FOXP1: variants seen among roughly 807,000 people sequenced by gnomAD.
The protein encoded by FOXP1 is forkhead box protein P1.
FOXP1 carries 15 observed loss-of-function variants against 98.2 expected under a neutral mutation model. The ratio of observed to expected loss-of-function variants is 0.15; its 90% CI spans 0.10 to 0.24. The LOEUF (loss-of-function observed/expected upper bound fraction) is 0.24, where lower values mean the gene tolerates loss of function less well. Among genes scored for constraint, FOXP1 ranks in the 10% least tolerant of loss-of-function variants. The pLI, the probability that FOXP1 is intolerant of heterozygous loss-of-function variation, is 1.00. For synonymous variants in FOXP1, 371 were observed against 314.5 expected (o/e 1.18, Z -1.90); for missense variants, 633 against 848.5 (o/e 0.75, Z 3.15).
At chr3:71,176,907 C>A (rs2061974778) in intron 6 of FOXP1, among the ~76,000 whole-genome samples, 1 of 151,756 alleles carries the variant, frequency 6.6e-6, no homozygotes, top group African/African-American at 2.4e-5. Flanking sequence ...ACTAAAAATA[C>A]AAAAAATTAG....
chr3:71,234,958 G>T (rs2066651296), intron 5 of FOXP1, among the ~76,000 whole-genome samples: 1 of 152,172 alleles, frequency 6.6e-6, no homozygotes. Context: ...TCTTTGCCAG[G>T]ACCCAGTCTT....
At chr3:71,484,494 TC>T (rs1321440698) in intron 3 of FOXP1, among the ~76,000 whole-genome samples, 1 of 152,166 alleles carries the variant, frequency 6.6e-6, no homozygotes, top group African/African-American at 2.4e-5. Flanking sequence ...ATTGGCAAAG[TC>T]TCAAAAAGGT....
At chr3:71,458,162 C>T (rs2087679770) in intron 3 of FOXP1, among the ~76,000 whole-genome samples, 1 of 152,194 alleles carries the variant, frequency 6.6e-6, no homozygotes, top group African/African-American at 2.4e-5. Context: ...TTCTGGACCA[C>T]ATCAAGCTAT....
chr3:71,230,162 T>C (rs1044865518), intron 5 of FOXP1, among the ~76,000 whole-genome samples: 3 of 152,138 alleles, frequency 2.0e-5, no homozygotes, highest in African/African-American at 7.2e-5. Flanking sequence ...AAACAAAACC[T>C]TGCAAAGGCC....
intron 3 of FOXP1, among the ~76,000 whole-genome samples, chr3:71,390,122 C>A (rs986529098): frequency 6.6e-6 from 1 of 152,184 alleles, no homozygotes; most frequent in Non-Finnish European, 1.5e-5. Context: ...ACAGTAGTGT[C>A]AGAGCTACTG....
chr3:71,458,936 G>C (rs939542434), intron 3 of FOXP1, among the ~76,000 whole-genome samples: 7 of 152,132 alleles, frequency 4.6e-5, no homozygotes, highest in African/African-American at 7.2e-5. Context: ...TTTACTGTAG[G>C]AACATTATTT....
At chr3:71,059,011 A>C (rs1053772884) in intron 7 of FOXP1, among the ~76,000 whole-genome samples, 1 of 152,210 alleles carries the variant, frequency 6.6e-6, no homozygotes, top group African/African-American at 2.4e-5. Flanking sequence ...ACAAAGCACT[A>C]AGGCAGGTAA....
chr3:71,435,031 T>C (rs1020590581), intron 3 of FOXP1, among the ~76,000 whole-genome samples: 1 of 151,472 alleles, frequency 6.6e-6, no homozygotes, highest in Non-Finnish European at 1.5e-5. Context: ...CGGCATGTCG[T>C]CAGTTCTTAA....
At chr3:71,553,452 C>A (rs1202503334) in intron 2 of FOXP1, among the ~76,000 whole-genome samples, 1 of 152,158 alleles carries the variant, frequency 6.6e-6, no homozygotes, top group African/African-American at 2.4e-5. Context: ...TGGTGAGAGG[C>A]TTCCAAATAC....
chr3:71,234,917 G>A (rs1254472321), intron 5 of FOXP1, among the ~76,000 whole-genome samples: 1 of 152,204 alleles, frequency 6.6e-6, no homozygotes, highest in Non-Finnish European at 1.5e-5. Flanking sequence ...CACTTAACAA[G>A]TAAGTGGGCG....
intron 5 of FOXP1, among the ~76,000 whole-genome samples, chr3:71,277,555 T>C (rs750978769): frequency 6.6e-5 from 10 of 152,150 alleles, no homozygotes; most frequent in Non-Finnish European, 1.2e-4. Context: ...TCTTGCCACA[T>C]GCATCAGTCT....
chr3:71,495,824 T>G, intron 2 of FOXP1, among the ~76,000 whole-genome samples: 1 of 152,198 alleles, frequency 6.6e-6, no homozygotes, highest in East Asian at 1.9e-4. Flanking sequence ...AAGTGAATTT[T>G]GGCACTACCT....
At chr3:71,377,449 T>C (rs1330535210) in intron 3 of FOXP1, among the ~76,000 whole-genome samples, 2 of 152,190 alleles carry the variant, frequency 1.3e-5, no homozygotes, top group South Asian at 2.1e-4. Flanking sequence ...ATTCAACCAA[T>C]GGCATTTGAT....
At chr3:71,362,203 C>T (rs911865581) in intron 3 of FOXP1, among the ~76,000 whole-genome samples, 2 of 152,134 alleles carry the variant, frequency 1.3e-5, no homozygotes, top group Admixed American at 6.5e-5. Context: ...GATGGAGTCT[C>T]GCTCTGTCAC....
intron 6 of FOXP1, among the ~76,000 whole-genome samples, chr3:71,169,585 C>T (rs181891760): frequency 1.5e-4 from 23 of 152,022 alleles, no homozygotes; most frequent in Non-Finnish European, 2.4e-4. Context: ...TTTAACTGCA[C>T]CTTTTATCTT....
At chr3:70,979,704 GATC>G (rs2038452547) in intron 14 of FOXP1, among the ~76,000 whole-genome samples, 1 of 149,988 alleles carries the variant, frequency 6.7e-6, no homozygotes. Flanking sequence ...ATTCCTCTGA[GATC>G]ATAATCAAAG....
chr3:71,554,090 A>G (rs966304592), intron 2 of FOXP1, among the ~76,000 whole-genome samples: 2 of 152,188 alleles, frequency 1.3e-5, no homozygotes, highest in African/African-American at 4.8e-5. Context: ...GCTCACACCT[A>G]TAATCCCAAC....
intron 3 of FOXP1, among the ~76,000 whole-genome samples, chr3:71,363,352 G>C (rs902802832): frequency 1.3e-5 from 2 of 152,114 alleles, no homozygotes; most frequent in Non-Finnish European, 2.9e-5. Flanking sequence ...ATAAATTTGA[G>C]TACACGTAGA....
Position 71,011,930 on chromosome 3 carries a change from C to T in FOXP1, c.974+3619G>A, listed in dbSNP as rs148053872. On this transcript the variant is annotated intron_variant, in intron 12 of 20. Transcript: ENST00000649528. ...CTAATGATCTTTATTTTCTTTAATA[C>T]GAAAATTATTCTCTCTCCTTTTTGG... Among the ~76,000 whole-genome samples the T allele has an allele frequency of 1.3e-3, 203 of 152,144 alleles. 1 individual carries two copies. The East Asian group carries it at 0.014, about 10-fold the overall frequency.
Sources: allele counts gnomAD v4.1 joint callset (sites outside exome capture counted in the v4.1 genomes callset), GRCh38; gene constraint gnomAD v4.1.1; transcripts MANE v1.5; gene names NCBI Gene and HGNC (gene_info 2026-07-23, HGNC 2026-07-21).